LCORL: variants seen among roughly 807,000 people sequenced by gnomAD.
The protein encoded by LCORL is ligand dependent nuclear receptor corepressor like.
Under a neutral mutation model 141.8 loss-of-function variants are expected in LCORL, and 41 were observed. The observed-to-expected ratio is 0.29, with a 90% CI of 0.23 to 0.38. LCORL has a LOEUF of 0.38. LCORL is among the 10% of genes least tolerant of loss of function. The pLI, the probability that LCORL is intolerant of heterozygous loss-of-function variation, is 1.00. For missense variants in LCORL, 1,759 were observed against 2,035.0 expected (o/e 0.86, Z 2.61); for synonymous variants, 618 against 694.1 (o/e 0.89, Z 1.72).
chr4:17,932,962 CA>C (rs1040389727), intron 4 of LCORL, among the ~76,000 whole-genome samples: 1 of 152,176 alleles, frequency 6.6e-6, no homozygotes, highest in Non-Finnish European at 1.5e-5. Flanking sequence ...TGACTGAACA[CA>C]AAAGTTTCAC....
At chr4:18,015,606 G>GA (rs1488315928) in intron 1 of LCORL, among the ~76,000 whole-genome samples, 3 of 151,970 alleles carry the variant, frequency 2.0e-5, no homozygotes, top group East Asian at 1.9e-4. Flanking sequence ...GATAGTGCTT[G>GA]AAAAAAACAG....
At position 17,884,889 on chromosome 4, in the gene LCORL, G is replaced by C; in HGVS notation, c.776+1179C>G. ...GCTTATGACACTTTTAAGTCTGTGA[G>C]ATGTAGTAGTTACTCCTTATCAAAG... On this transcript the variant is annotated intron_variant, in intron 6 of 7. Transcript: ENST00000635767. This position sits in a 1 kb window ranked among gnomAD's most constrained non-coding sequence, Gnocchi z 4.4. 1 of 459,326 alleles carries C rather than the reference G, an allele frequency of 2.2e-6. No homozygotes were observed. The highest frequency in any genetic ancestry group is 3.8e-6 in the Non-Finnish European group (1 of 261,292). The allele number at this position is 459,326 out of a possible 1,614,324, so 28.5% of individuals were successfully genotyped here. A position where few individuals can be genotyped will look rare whatever the true frequency, so the allele number is the denominator to read the frequency against.
intron 2 of LCORL, among the ~76,000 whole-genome samples, chr4:17,969,914 C>T (rs1019516744): frequency 1.3e-5 from 2 of 152,068 alleles, no homozygotes; most frequent in African/African-American, 4.8e-5. Flanking sequence ...GAGTCTCCAC[C>T]CTTAAAGTCG....
intron 5 of LCORL, among the ~76,000 whole-genome samples, chr4:17,892,214 T>C (rs922481123): frequency 7.4e-5 from 11 of 148,738 alleles, no homozygotes; most frequent in African/African-American, 1.2e-4. Context: ...TTTTTCTTTT[T>C]TTTTTTTTTT....
chr4:17,867,809 A>C (rs1052501012), intron 7 of LCORL, among the ~76,000 whole-genome samples: 5 of 152,198 alleles, frequency 3.3e-5, no homozygotes, highest in African/African-American at 1.2e-4. Context: ...GCAATGGAAT[A>C]TAAAATATTC....
At chr4:17,885,475 C>T (rs1391502388) in intron 6 of LCORL, among the ~76,000 whole-genome samples, 2 of 151,520 alleles carry the variant, frequency 1.3e-5, no homozygotes, top group African/African-American at 4.9e-5. Flanking sequence ...GCTTCCTATG[C>T]AGTTAGTTAA....
At chr4:17,941,892 GC>G (rs1370111431) in intron 4 of LCORL, among the ~76,000 whole-genome samples, 1 of 149,862 alleles carries the variant, frequency 6.7e-6, no homozygotes, top group Non-Finnish European at 1.5e-5. Context: ...GATGACACTT[GC>G]TATTAAGTAT....
At chr4:17,944,267 C>G (rs569730416) in intron 4 of LCORL, among the ~76,000 whole-genome samples, 2 of 152,016 alleles carry the variant, frequency 1.3e-5, no homozygotes, top group Non-Finnish European at 1.5e-5. Context: ...ACTATAGACC[C>G]CTGTTGTGCT....
intron 1 of LCORL, among the ~76,000 whole-genome samples, chr4:17,974,584 T>C (rs908403178): frequency 6.6e-6 from 1 of 152,142 alleles, no homozygotes; most frequent in Non-Finnish European, 1.5e-5. Flanking sequence ...CCAAAGCCCA[T>C]TCCAAAGCAT....
intron 1 of LCORL, among the ~76,000 whole-genome samples, chr4:17,981,538 C>T (rs1010439931): frequency 6.6e-5 from 10 of 152,038 alleles, no homozygotes; most frequent in African/African-American, 2.4e-4. Context: ...GGGCAGACTG[C>T]TTGAGTCTGG....
intron 5 of LCORL, among the ~76,000 whole-genome samples, chr4:17,901,232 AG>A (rs1241070911): frequency 1.3e-5 from 2 of 152,132 alleles, no homozygotes; most frequent in African/African-American, 4.8e-5. Flanking sequence ...CAAAACAGGG[AG>A]AGAAAGAGTG....
chr4:17,931,777 A>G (rs968793062), intron 4 of LCORL, among the ~76,000 whole-genome samples: 1 of 152,094 alleles, frequency 6.6e-6, no homozygotes, highest in Admixed American at 6.6e-5. Flanking sequence ...AATATATTTT[A>G]TGTTATTTGA....
At chr4:17,860,718 T>C (rs1724901985) in intron 7 of LCORL, among the ~76,000 whole-genome samples, 1 of 152,196 alleles carries the variant, frequency 6.6e-6, no homozygotes, top group African/African-American at 2.4e-5. Flanking sequence ...CCTATGAGCC[T>C]GTAAAATCAA....
chr4:17,990,143 G>A (rs548318986), intron 1 of LCORL, among the ~76,000 whole-genome samples: 1 of 137,376 alleles, frequency 7.3e-6, no homozygotes, highest in Admixed American at 8.1e-5. Context: ...CTGTCACCCA[G>A]GCTGGAGTGC....
At chr4:17,958,148 C>T (rs1309143609) in intron 4 of LCORL, among the ~76,000 whole-genome samples, 1 of 151,702 alleles carries the variant, frequency 6.6e-6, no homozygotes, top group African/African-American at 2.4e-5. Context: ...TAATATAAAA[C>T]CTGGCTATCA....
At chr4:17,980,963 C>A (rs1717881425) in intron 1 of LCORL, among the ~76,000 whole-genome samples, 1 of 152,180 alleles carries the variant, frequency 6.6e-6, no homozygotes, top group Admixed American at 6.5e-5. Context: ...AATTGTCTTT[C>A]ACAAAACTGG....
intron 2 of LCORL, among the ~76,000 whole-genome samples, chr4:17,968,103 C>G (rs1194738155): frequency 6.6e-6 from 1 of 152,058 alleles, no homozygotes; most frequent in African/African-American, 2.4e-5. Flanking sequence ...AGTGATCTGC[C>G]TGCCTCGGCC....
intron 1 of LCORL, among the ~76,000 whole-genome samples, chr4:18,004,171 G>C (rs1050827359): frequency 6.6e-6 from 1 of 152,108 alleles, no homozygotes; most frequent in Non-Finnish European, 1.5e-5. Flanking sequence ...GTGTTGATCC[G>C]ATTTCAGTCT....
chr4:18,013,384 G>A (rs1420267602), intron 1 of LCORL, among the ~76,000 whole-genome samples: 3 of 152,036 alleles, frequency 2.0e-5, no homozygotes, highest in Admixed American at 2.0e-4. Context: ...CTATTTCTGT[G>A]GATTTAAATA....
Sources: gnomAD v4.1 joint callset for allele counts (sites outside exome capture counted in the v4.1 genomes callset) on GRCh38, gnomAD v4.1.1 for gene constraint, Gnocchi (gnomAD v3.1) non-coding constraint, MANE v1.5 for transcripts, NCBI Gene and HGNC (gene_info 2026-07-23, HGNC 2026-07-21) for gene names.